NUDT12: variants seen among roughly 807,000 people sequenced by gnomAD.
NUDT12 encodes the protein nudix hydrolase 12.
In NUDT12, 42 loss-of-function variants were observed where a neutral mutation model predicts 45.7. The observed-to-expected ratio is 0.92, with a 90% CI of 0.72 to 1.19. The LOEUF (loss-of-function observed/expected upper bound fraction) is 1.19. NUDT12 is among the 50% of genes most tolerant of loss of function. The pLI is 0.00. For synonymous variants in NUDT12, 206 were observed against 179.7 expected (o/e 1.15, Z -1.17); for missense variants, 590 against 533.1 (o/e 1.11, Z -1.05).
At chr5:103,560,819 T>G (rs1279853957) in intron 1 of NUDT12, among the ~76,000 whole-genome samples, 1 of 152,230 alleles carries the variant, frequency 6.6e-6, no homozygotes. Context: ...TTTGTCCTAC[T>G]ACACTGAGAC....
In NUDT12 at chr5:103,559,053, T is replaced by C; in HGVS notation, c.622A>G (p.Lys208Glu). 3 of 1,613,622 alleles carry C rather than the reference T, an allele frequency of 1.9e-6. No homozygotes were observed. Among genetic ancestry groups the C allele is most frequent in the Non-Finnish European group, 2.5e-6 (3 of 1,179,776 alleles). ...ACTTCACCAGCATAATTAAGTAGTTTGTCTTTTATTTCAAGTTCTACTCCA... is the reference window on the plus strand; with the variant it reads ...ACTTCACCAGCATAATTAAGTAGTTCGTCTTTTATTTCAAGTTCTACTCCA... The part of the protein sequence containing the change: ...FLGVELEIKD[K>E]LLNYAGEVPR... The change falls in exon 3 of 7, where the codon AAA (lysine) becomes GAA (glutamate). Residue 208 changes from lysine (K) to glutamate (E), a missense_variant. By Grantham distance (56) the Lys-to-Glu change is moderately conservative (BLOSUM62 1). Coordinates refer to ENST00000230792, the MANE Select transcript of NUDT12 (RefSeq NM_031438.4).
In NUDT12 at chr5:103,559,013, T is replaced by G. The variant is rs1465388351; in HGVS notation, c.662A>C (p.Glu221Ala). Residue 221 changes from glutamate to alanine, a missense_variant, in exon 3 of 7, where the codon GAA (glutamate) becomes GCA (alanine). Transcript: ENST00000230792. ...NYAGEVPREE[E>A]DGLVAWFALG... ...AGCAAACCAGGCAACCAATCCATCT[T>G]CCTCCTCTCTCGGGACTTCACCAGC... The G allele has an allele frequency of 6.2e-6, 10 of 1,613,792 alleles. No individual in the cohort carries two copies. The South Asian group carries it at 1.1e-4, about 18-fold the overall frequency.
At position 103,552,618 on chromosome 5, in the gene NUDT12, A is replaced by G. The variant is rs79323265; in HGVS notation, c.1079-202T>C. On this transcript the variant is annotated intron_variant, in intron 5 of 6. Transcript: ENST00000230792. ...CCACATATAGAATATCAAAATGCCA[A>G]CAATAAACTTTTCGTTTTTTTAAGG... 2.0e-5 allele frequency among the ~76,000 whole-genome samples: 3 copies of G among 152,238 alleles called. No homozygotes were observed. In the East Asian group the frequency reaches 5.8e-4, roughly 29 times the overall value.
intron 1 of NUDT12, among the ~76,000 whole-genome samples, chr5:103,561,102 T>C (rs538452426): frequency 8.4e-4 from 128 of 151,904 alleles, no homozygotes; most frequent in Non-Finnish European, 1.6e-3. Context: ...AAATGGTTCA[T>C]GATTCAACTG....
At chr5:103,551,395 T>A (rs1485759145) in intron 6 of NUDT12, among the ~76,000 whole-genome samples, 1 of 152,202 alleles carries the variant, frequency 6.6e-6, no homozygotes, top group Non-Finnish European at 1.5e-5. Context: ...ATTACAGGTA[T>A]AAGCCACCAC....
chr5:103,550,663 T>A lies in NUDT12; in HGVS notation c.*198A>T, dbSNP rs778204844. The A allele has an allele frequency of 9.1e-5, 37 of 406,846 alleles. No homozygotes were observed. Among genetic ancestry groups the A allele is most frequent in the Admixed American group, 2.3e-4 (6 of 25,604 alleles). The allele number at this position is 406,846 out of a possible 1,614,324, so 25.2% of individuals were successfully genotyped here. On this transcript the variant is annotated 3_prime_UTR_variant, in exon 7 of 7. Transcript: ENST00000230792. Reference sequence around the variant, plus strand: ...AGAGAAGACTGACCCAAATTTAACATAATCTGAGGCAATATTGTAAAAATG... The same window carrying A: ...AGAGAAGACTGACCCAAATTTAACAAAATCTGAGGCAATATTGTAAAAATG...
rs1562621461 is a variant in NUDT12, at chr5:103,560,241, G to C, written c.8C>G (p.Ser3Cys). The C allele has an allele frequency of 6.2e-7, 1 of 1,611,650 alleles. No individual in the cohort carries two copies. Among genetic ancestry groups the C allele is most frequent in the Non-Finnish European group, 8.5e-7 (1 of 1,177,934 alleles). Reference sequence around the variant, plus strand: ...TTCTTGCTTCAGACTTCTTTTTACAGAAGACATTTCTTCCTTAAAAGAAGG... The same window carrying C: ...TTCTTGCTTCAGACTTCTTTTTACACAAGACATTTCTTCCTTAAAAGAAGG... MS[S>C]VKRSLKQEIV... The change falls in exon 2 of 7, where the codon TCT (serine) becomes TGT (cysteine). Residue 3 changes from serine to cysteine, a missense_variant. Transcript: ENST00000230792.
intron 2 of NUDT12, 123 bp from the exon 3 acceptor site, chr5:103,559,591 GA>G (rs1748966059): frequency 3.8e-6 from 2 of 525,478 alleles, no homozygotes; most frequent in African/African-American, 2.0e-5. Flanking sequence ...TGATTACATA[GA>G]TTTTTTTTCT....
Position 103,560,188 on chromosome 5 carries a change from C to A in NUDT12, c.61G>T (p.Ala21Ser). 6.2e-7 allele frequency: 1 copy of A among 1,613,844 alleles called. No homozygotes were observed. Among genetic ancestry groups the A allele is most frequent in the Non-Finnish European group, 8.5e-7 (1 of 1,179,734 alleles). Residue 21 changes from alanine to serine, a missense_variant, in exon 2 of 7, where the codon GCT becomes TCT. Transcript: ENST00000230792. ...EIVTQFHCSAAEGDIAKLTGI... is the reference protein window; with the variant it reads ...EIVTQFHCSASEGDIAKLTGI... ...GTTAACTTGGCAATATCTCCTTCAG[C>A]AGCTGAACAGTGAAACTGAGTAACT... is the stretch of plus-strand genomic sequence containing the variant.
At chr5:103,560,322 A>C in intron 1 of NUDT12, 68 bp from the exon 2 acceptor site, 1 of 878,716 alleles carries the variant, frequency 1.1e-6, no homozygotes, top group Non-Finnish European at 1.9e-6. Flanking sequence ...AACAATATTG[A>C]TAAATAGCAA....
chr5:103,561,654 T>A (rs1407381770), intron 1 of NUDT12, among the ~76,000 whole-genome samples: 5 of 152,246 alleles, frequency 3.3e-5, no homozygotes, highest in Admixed American at 3.3e-4. Flanking sequence ...GAAGCACTGC[T>A]GTACAGCTCC....
chr5:103,558,006 C>G (rs911065308), intron 3 of NUDT12, among the ~76,000 whole-genome samples: 5 of 151,776 alleles, frequency 3.3e-5, no homozygotes, highest in Admixed American at 6.6e-5. Context: ...CTTGCTCTAA[C>G]CATCATCCTA....
chr5:103,561,827 C>A (rs1749042202), intron 1 of NUDT12, among the ~76,000 whole-genome samples: 1 of 152,194 alleles, frequency 6.6e-6, no homozygotes, highest in African/African-American at 2.4e-5. Context: ...CAGGTAACTG[C>A]AAAATTGTCC....
chr5:103,549,247 T>C lies in NUDT12; in HGVS notation c.*1614A>G, dbSNP rs983024683. On this transcript the variant is annotated 3_prime_UTR_variant, in exon 7 of 7. Transcript: ENST00000230792. ...AGGTACATTATTTTCCATATACTTA[T>C]GTAGCTCGAATTTTATTATGTATCT... 2.4e-4 allele frequency: 36 copies of C among 152,194 alleles called. No homozygotes were observed. The highest frequency in any genetic ancestry group is 8.7e-4 in the African/African-American group (36 of 41,572). The allele number at this position is 152,194 out of a possible 1,614,324, so 9.4% of individuals were successfully genotyped here.
Position 103,557,280 on chromosome 5 carries a change from GATATATATAT to G in NUDT12, c.797-1192_797-1183del, listed in dbSNP as rs10593905. ...TATCAGATCTTTTTGATCTTAAAAT[GATATATATAT>G]ATATATATATATATGTCTAAAGAAA... is the stretch of plus-strand genomic sequence containing the variant. On this transcript the variant is annotated intron_variant, in intron 3 of 6. Transcript: ENST00000230792. Among the ~76,000 whole-genome samples the G allele has an allele frequency of 8.4e-5, 10 of 118,892 alleles. No homozygotes were observed. The South Asian group carries it at 9.6e-4, about 11-fold the overall frequency. The allele number at this position is 118,892 out of a possible 152,430, so 78.0% of individuals were successfully genotyped here. A position where few individuals can be genotyped will look rare whatever the true frequency, so the allele number is the denominator to read the frequency against.
Position 103,550,696 on chromosome 5 carries a change from A to G in NUDT12, c.*165T>C, listed in dbSNP as rs1372978017. On this transcript the variant is annotated 3_prime_UTR_variant, in exon 7 of 7. Coordinates refer to ENST00000230792, the MANE Select transcript of NUDT12 (RefSeq NM_031438.4). ...GGCAATATTGTAAAAATGTGTAAAAATATGAATTTGTGATTAAGACAGAAC... is the reference window on the plus strand; with the variant it reads ...GGCAATATTGTAAAAATGTGTAAAAGTATGAATTTGTGATTAAGACAGAAC... The G allele has an allele frequency of 6.3e-6, 3 of 473,652 alleles. No homozygotes were observed. The highest frequency in any genetic ancestry group is 3.1e-5 in the East Asian group (1 of 31,802). The allele number at this position is 473,652 out of a possible 1,614,324, so 29.3% of individuals were successfully genotyped here.
At chr5:103,562,571 A>T (rs1157555698) in intron 1 of NUDT12, 132 bp downstream of exon 1, 1 of 151,260 alleles carries the variant, frequency 6.6e-6, no homozygotes, top group Non-Finnish European at 1.5e-5. Flanking sequence ...CGCCCACCAA[A>T]CCACTACGAG....
At chr5:103,551,079 T>A in intron 6 of NUDT12, 108 bp from the exon 7 acceptor site, 1 of 754,434 alleles carries the variant, frequency 1.3e-6, no homozygotes, top group Non-Finnish European at 2.2e-6. Flanking sequence ...TTACAGTGAA[T>A]AACAACAGTA....
rs759148698 is a variant in NUDT12, at chr5:103,552,427, G to A, written c.1079-11C>T. ...CTTCTATTGTCTCTCCTAATGAAAT[G>A]GAGCAAAAGAACAAGTTGCTGATGA... On this transcript the variant is annotated splice_polypyrimidine_tract_variant and intron_variant, in intron 5 of 6. Coordinates refer to ENST00000230792, the MANE Select transcript of NUDT12 (RefSeq NM_031438.4). 1.2e-6 allele frequency: 2 copies of A among 1,607,398 alleles called. No homozygotes were observed. Among genetic ancestry groups the A allele is most frequent in the South Asian group, 1.1e-5 (1 of 90,912 alleles).
Sources: gnomAD v4.1 joint callset for allele counts (sites outside exome capture counted in the v4.1 genomes callset) on GRCh38, gnomAD v4.1.1 for gene constraint, MANE v1.5 for transcripts, NCBI Gene and HGNC (gene_info 2026-07-23, HGNC 2026-07-21) for gene names.